PALM2AKAP2: variants seen among roughly 807,000 people sequenced by gnomAD.
The protein encoded by PALM2AKAP2 is PALM2 and AKAP2 fusion, also known as PALM2-AKAP2 fusion protein.
PALM2AKAP2 carries 37 observed loss-of-function variants against 71.5 expected under a neutral mutation model. That is an observed-to-expected ratio of 0.52 (90% CI 0.40 to 0.68). The LOEUF (loss-of-function observed/expected upper bound fraction) is 0.68, where lower values mean the gene tolerates loss of function less well. Among genes scored for constraint, PALM2AKAP2 ranks in the 30% least tolerant of loss-of-function variants. The pLI is 0.00. For synonymous variants in PALM2AKAP2, 468 were observed against 478.8 expected (o/e 0.98, Z 0.29); for missense variants, 1,224 against 1,191.8 (o/e 1.03, Z -0.40).
intron 6 of PALM2AKAP2, among the ~76,000 whole-genome samples, chr9:109,975,326 G>A (rs1158728127): frequency 2.0e-5 from 3 of 152,286 alleles, no homozygotes; most frequent in African/African-American, 7.2e-5. Flanking sequence ...AAGAACCAGG[G>A]GCACCAGAAG....
At chr9:109,737,536 G>T (rs938761056) in intron 1 of PALM2AKAP2, among the ~76,000 whole-genome samples, 5 of 152,188 alleles carry the variant, frequency 3.3e-5, no homozygotes, top group Admixed American at 6.5e-5. Flanking sequence ...CATGCCAGGA[G>T]ACCTGCCACA....
intron 6 of PALM2AKAP2, among the ~76,000 whole-genome samples, chr9:109,969,320 C>A (rs1280632284): frequency 1.3e-5 from 2 of 152,238 alleles, no homozygotes; most frequent in Non-Finnish European, 2.9e-5. Context: ...CACTGTGAGT[C>A]TCCTCTCGCC....
upstream of PALM2AKAP2, chr9:109,780,162 G>A (rs1311418502): frequency 2.6e-5 from 11 of 416,516 alleles, no homozygotes; most frequent in East Asian, 1.5e-4. Context: ...CGGAGAACTA[G>A]CGCCGGGCTA....
intron 6 of PALM2AKAP2, chr9:109,942,898 A>G (rs765286882): frequency 5.6e-6 from 9 of 1,614,210 alleles, no homozygotes; most frequent in Admixed American, 5.0e-5. Context: ...AGAAGAGCTT[A>G]TTCAGAAGGC....
chr9:109,729,184 G>A (rs1417030730), intron 1 of PALM2AKAP2, among the ~76,000 whole-genome samples: 1 of 152,130 alleles, frequency 6.6e-6, no homozygotes, highest in African/African-American at 2.4e-5. Flanking sequence ...TCCAGAGAGT[G>A]ACTCCTCATA....
chr9:110,137,969 A>G (rs755845466), exon 2 of PALM2AKAP2: 1 of 1,614,040 alleles, frequency 6.2e-7, no homozygotes, highest in Non-Finnish European at 8.5e-7. Flanking sequence ...GCAGAATGCC[A>G]TTCAACAAGC....
chr9:109,841,950 A>C (rs1042999963), intron 1 of PALM2AKAP2, among the ~76,000 whole-genome samples: 4 of 37,902 alleles, frequency 1.1e-4, no homozygotes, highest in Non-Finnish European at 2.1e-4. Context: ...GGAAGGAAAG[A>C]GGGGAGGGTG....
exon 4 of PALM2AKAP2, chr9:110,170,434 G>T (rs969015625): frequency 3.9e-5 from 6 of 152,020 alleles, no homozygotes; most frequent in African/African-American, 1.2e-4. Flanking sequence ...TGTTGACTTT[G>T]GGGGGGGACA....
intron 1 of PALM2AKAP2, among the ~76,000 whole-genome samples, chr9:109,803,747 C>T (rs1323264629): frequency 6.6e-6 from 1 of 152,198 alleles, no homozygotes; most frequent in East Asian, 1.9e-4. Context: ...ATCTGCTTCT[C>T]CTCCACCCTA....
intron 6 of PALM2AKAP2, among the ~76,000 whole-genome samples, chr9:109,936,866 T>G (rs1831231147): frequency 1.3e-5 from 2 of 152,226 alleles, no homozygotes; most frequent in African/African-American, 2.4e-5. Flanking sequence ...ATTTTAGATG[T>G]GGGCTCTCAG....
chr9:109,663,492 T>C (rs1023334546), intron 1 of PALM2AKAP2, among the ~76,000 whole-genome samples: 1 of 152,164 alleles, frequency 6.6e-6, no homozygotes, highest in Non-Finnish European at 1.5e-5. Context: ...TGTAGTTGTG[T>C]GGTTTTGAGT....
chr9:110,073,862 AC>A (rs1293193969), intron 1 of PALM2AKAP2, among the ~76,000 whole-genome samples: 2 of 152,144 alleles, frequency 1.3e-5, no homozygotes, highest in Non-Finnish European at 2.9e-5. Flanking sequence ...TACTTAGTAT[AC>A]CTTTTTTAAT....
In PALM2AKAP2 at chr9:110,016,075, A is replaced by G. The variant is rs761677024; in HGVS notation, c.582+36A>G. 5 of 1,599,104 alleles carry G rather than the reference A, an allele frequency of 3.1e-6. No homozygotes were observed. The African/African-American group carries it at 5.4e-5, about 17-fold the overall frequency. On this transcript the variant is annotated intron_variant, in intron 7 of 9. Transcript: ENST00000302798. ...CTCTTCAGGTTGATTCTCAAAGTGT[A>G]TCTCTAGAGTAAAGGCAGCCGATGG...
rs931621642 is a variant in PALM2AKAP2, at chr9:109,931,844, G to A, written c.395-83G>A. The A allele has an allele frequency of 4.5e-4, 669 of 1,478,574 alleles. 3 individuals are homozygous for A. Among genetic ancestry groups the A allele is most frequent in the Middle Eastern group, 8.7e-4 (5 of 5,764 alleles). The allele number at this position is 1,478,574 out of a possible 1,614,324, so 91.6% of individuals were successfully genotyped here. Reference sequence around the variant, plus strand: ...CCGCCTCAGCGGTCCATTATGTAGGGCAGACAAGCTGCTGTCTCGGCAGTG... The same window carrying A: ...CCGCCTCAGCGGTCCATTATGTAGGACAGACAAGCTGCTGTCTCGGCAGTG... On this transcript the variant is annotated intron_variant, in intron 5 of 9. Transcript: ENST00000302798.
intron 6 of PALM2AKAP2, among the ~76,000 whole-genome samples, chr9:109,991,409 AT>A (rs888528618): frequency 1.2e-3 from 178 of 146,414 alleles, no homozygotes; most frequent in African/African-American, 3.8e-3. Flanking sequence ...GCTAATTTAA[AT>A]TTTTTTTTTT....
intron 2 of PALM2AKAP2, among the ~76,000 whole-genome samples, chr9:110,148,150 A>C (rs1275429912): frequency 2.0e-5 from 3 of 152,164 alleles, no homozygotes; most frequent in African/African-American, 7.2e-5. Flanking sequence ...GAGAATTACT[A>C]TTCACCATAA....
In PALM2AKAP2 at chr9:109,811,374, G is replaced by A. The variant is rs575796659; in HGVS notation, c.45+30841G>A. 2.6e-5 allele frequency among the ~76,000 whole-genome samples: 4 copies of A among 152,176 alleles called. No homozygotes were observed. In the South Asian group the frequency reaches 8.3e-4, roughly 32 times the overall value. ...GGTCAGAGAGGGACATGAGGTGGGT[G>A]CGGGGCAGTGAAGGGGTGGTAGAAA... On this transcript the variant is annotated intron_variant, in intron 1 of 9. Transcript: ENST00000302798.
At chr9:109,697,920 T>C (rs955597849) in intron 1 of PALM2AKAP2, among the ~76,000 whole-genome samples, 7 of 152,214 alleles carry the variant, frequency 4.6e-5, no homozygotes, top group Admixed American at 4.6e-4. Flanking sequence ...TTATGATAGA[T>C]TTCCTGCCTC....
chr9:109,665,694 C>A (rs1827471803), intron 1 of PALM2AKAP2, among the ~76,000 whole-genome samples: 1 of 152,248 alleles, frequency 6.6e-6, no homozygotes. Flanking sequence ...AGCTCAAATG[C>A]TGTGCTGGGA....
Sources: gnomAD v4.1 joint callset for allele counts (sites outside exome capture counted in the v4.1 genomes callset) on GRCh38, gnomAD v4.1.1 for gene constraint, MANE v1.5 for transcripts, NCBI Gene and HGNC (gene_info 2026-07-23, HGNC 2026-07-21) for gene names.